RBBP8NL: variants seen among roughly 807,000 people sequenced by gnomAD.
The protein encoded by RBBP8NL is RBBP8 N-terminal like, also known as RBBP8 N-terminal-like protein.
In RBBP8NL, 59 loss-of-function variants were observed where a neutral mutation model predicts 62.2. That is an observed-to-expected ratio of 0.95 (90% CI 0.77 to 1.18). RBBP8NL has a LOEUF of 1.18. RBBP8NL is among the 50% of genes most tolerant of loss of function. RBBP8NL has a pLI of 0.00. For missense variants in RBBP8NL, 896 were observed against 899.5 expected (o/e 1.00, Z 0.05); for synonymous variants, 412 against 394.1 (o/e 1.05, Z -0.54).
At chr20:62,425,128 C>T (rs1256714131) in intron 1 of RBBP8NL, among the ~76,000 whole-genome samples, 1 of 152,202 alleles carries the variant, frequency 6.6e-6, no homozygotes. Context: ...TTAGAAGCTC[C>T]TCACAGGTAA....
In RBBP8NL at chr20:62,415,204, G is replaced by T. The variant is rs36042460; in HGVS notation, c.711C>A (p.Gly237=). ...GTGGTGGGGGCGTCCCATTGGCGGGGCCTCGGTCGGCAGGGCAAGCCTGGG... is the reference window on the plus strand; with the variant it reads ...GTGGTGGGGGCGTCCCATTGGCGGGTCCTCGGTCGGCAGGGCAAGCCTGGG... The part of the protein sequence containing the change: ...PGSQACPADR[G]PANGTPPPLP... Residue 237 remains glycine (G), a synonymous_variant, in exon 9 of 14, where the codon GGC becomes GGA. Transcript: ENST00000252998. The T allele has an allele frequency of 8.3e-3, 12,537 of 1,519,348 alleles. 628 individuals carry two copies. The African/African-American group carries it at 0.12, about 15-fold the overall frequency. The allele number at this position is 1,519,348 out of a possible 1,614,324, so 94.1% of individuals were successfully genotyped here.
intron 1 of RBBP8NL, among the ~76,000 whole-genome samples, chr20:62,424,340 C>T (rs1988764657): frequency 6.6e-6 from 1 of 152,082 alleles, no homozygotes; most frequent in Non-Finnish European, 1.5e-5. Context: ...CCCTCGACAC[C>T]ACTCTCACCC....
intron 9 of RBBP8NL, 24 bp from the exon 10 acceptor site, chr20:62,414,580 G>T: frequency 1.4e-6 from 2 of 1,416,742 alleles, no homozygotes; most frequent in South Asian, 1.7e-5. Context: ...GAAGCCGAAT[G>T]ACCATGGCTG....
intron 1 of RBBP8NL, 41 bp from the exon 2 acceptor site, chr20:62,419,771 G>T (rs2146443098): frequency 9.9e-7 from 1 of 1,012,406 alleles, no homozygotes; most frequent in Non-Finnish European, 1.5e-6. Context: ...GCTCAGGAAG[G>T]GCTTGTGGGC....
chr20:62,426,876 G>A (rs547294016), intron 1 of RBBP8NL, among the ~76,000 whole-genome samples: 10 of 152,370 alleles, frequency 6.6e-5, no homozygotes, highest in Non-Finnish European at 1.3e-4. Context: ...CCTGCAACCT[G>A]ACTCCCTCCC....
At chr20:62,423,396 T>A (rs1988746447) in intron 1 of RBBP8NL, among the ~76,000 whole-genome samples, 1 of 152,124 alleles carries the variant, frequency 6.6e-6, no homozygotes, top group Non-Finnish European at 1.5e-5. Flanking sequence ...TGCACTGGCT[T>A]TTCCTGGCCA....
At chr20:62,420,532 T>A (rs2427327) in intron 1 of RBBP8NL, among the ~76,000 whole-genome samples, 90,017 of 151,264 alleles carry the variant, frequency 0.6, 26,717 homozygotes, top group South Asian at 0.67. Flanking sequence ...ACACCCAGAG[T>A]TACACACATA....
intron 8 of RBBP8NL, 88 bp downstream of exon 8, chr20:62,415,490 G>T: frequency 6.8e-7 from 1 of 1,468,668 alleles, no homozygotes; most frequent in South Asian, 1.1e-5. Context: ...GCGCATGAGA[G>T]GCTGGCATAC....
At chr20:62,415,318 G>T (rs1234569650) in intron 8 of RBBP8NL, 31 bp from the exon 9 acceptor site, 7 of 1,546,084 alleles carry the variant, frequency 4.5e-6, no homozygotes, top group Middle Eastern at 2.1e-4. Context: ...GCCTGGGCGG[G>T]GGCATGCGTG....
At chr20:62,416,281 A>T in intron 5 of RBBP8NL, 45 bp from the exon 6 acceptor site, 5 of 380,320 alleles carry the variant, frequency 1.3e-5, no homozygotes, top group Non-Finnish European at 2.7e-5. Context: ...GTTGGGGGGG[A>T]CAGGGGCAGG....
intron 1 of RBBP8NL, 147 bp from the exon 2 acceptor site, chr20:62,419,877 C>T (rs930033068): frequency 1.8e-6 from 1 of 553,600 alleles, no homozygotes; most frequent in Non-Finnish European, 3.2e-6. Context: ...GGCCTGGAGG[C>T]TCCCGAACCC....
Position 62,410,518 on chromosome 20 carries a change from C to T in RBBP8NL, c.*360G>A, listed in dbSNP as rs1988409490. The T allele has an allele frequency of 7.5e-6, 2 of 266,746 alleles. No homozygotes were observed. The highest frequency in any genetic ancestry group is 5.0e-5 in the Admixed American group (1 of 20,024). 16.5% of individuals were successfully genotyped at this position (266,746 alleles called of 1,614,324 possible). A position where few individuals can be genotyped will look rare whatever the true frequency, so the allele number is the denominator to read the frequency against. ...TCCCGCCTCCAGTCCCCACACCCCT[C>T]AGGGAGCAGGTGCTGGGCTGTGGGA... On this transcript the variant is annotated 3_prime_UTR_variant, in exon 14 of 14. Coordinates refer to ENST00000252998, the MANE Select transcript of RBBP8NL (RefSeq NM_080833.3).
Position 62,416,876 on chromosome 20 carries a change from C to T in RBBP8NL, c.201-4G>A. Reference sequence around the variant, plus strand: ...GTCGCACAGGCCGGCCCGCAGCCTGCAGGGATGGGGACGCAGGGGGTGTGA... The same window carrying T: ...GTCGCACAGGCCGGCCCGCAGCCTGTAGGGATGGGGACGCAGGGGGTGTGA... On this transcript the variant is annotated splice_region_variant and splice_polypyrimidine_tract_variant and intron_variant, in intron 4 of 13. Coordinates refer to ENST00000252998, the MANE Select transcript of RBBP8NL (RefSeq NM_080833.3). 2 of 1,550,884 alleles carry T rather than the reference C, an allele frequency of 1.3e-6. No individual in the cohort carries two copies. The highest frequency in any genetic ancestry group is 1.7e-6 in the Non-Finnish European group (2 of 1,148,280).
Position 62,418,414 on chromosome 20 carries a change from C to T in RBBP8NL, c.104+9G>A, listed in dbSNP as rs1275704574. On this transcript the variant is annotated intron_variant, in intron 3 of 13. Coordinates refer to ENST00000252998, the MANE Select transcript of RBBP8NL (RefSeq NM_080833.3). ...CCTGTGAGGAGGGGCCCTGCTTGGC[C>T]TGACTCACCGGCACCTCTCTGAGTT... 1 of 1,550,358 alleles carries T rather than the reference C, an allele frequency of 6.5e-7. No homozygotes were observed. Among genetic ancestry groups the T allele is most frequent in the Non-Finnish European group, 8.7e-7 (1 of 1,146,902 alleles).
rs1420118022 is a variant in RBBP8NL at position 62,413,951 on chromosome 20, G to A, written c.1400C>T (p.Pro467Leu). 3 of 1,583,348 alleles carry A rather than the reference G, an allele frequency of 1.9e-6. No individual in the cohort carries two copies. Among genetic ancestry groups the A allele is most frequent in the Non-Finnish European group, 2.6e-6 (3 of 1,166,012 alleles). The change falls in exon 10 of 14, where the codon CCT becomes CTT. Residue 467 changes from proline to leucine, a missense_variant. Physicochemically the swap from Pro to Leu is moderately conservative, Grantham distance 98. Transcript: ENST00000252998. ...GGGGCTGGCAGTGTGGGCAGCGGCA[G>A]GGCTGAGTGACCCATGCTGGCCGGC... ...KPAGQHGSLSPAAAHTASPEP... is the reference protein window; with the variant it reads ...KPAGQHGSLSLAAAHTASPEP...
At chr20:62,416,553 G>A (rs1988571081) in intron 5 of RBBP8NL, among the ~76,000 whole-genome samples, 1 of 152,238 alleles carries the variant, frequency 6.6e-6, no homozygotes, top group Admixed American at 6.5e-5. Flanking sequence ...CCCAGCCCAG[G>A]GGAGGGAGGC....
intron 5 of RBBP8NL, 78 bp downstream of exon 5, chr20:62,416,682 C>G (rs1192357343): frequency 1.0e-5 from 10 of 961,500 alleles, no homozygotes; most frequent in Admixed American, 4.2e-5. Flanking sequence ...TTCCCCATGC[C>G]CCTACATGGG....
chr20:62,412,038 T>C (rs901712202), intron 13 of RBBP8NL, among the ~76,000 whole-genome samples: 10 of 152,252 alleles, frequency 6.6e-5, no homozygotes, highest in Non-Finnish European at 1.2e-4. Flanking sequence ...AGTGAAAAGT[T>C]GTCCCGATAC....
intron 1 of RBBP8NL, among the ~76,000 whole-genome samples, chr20:62,423,483 G>A (rs944894877): frequency 4.6e-5 from 7 of 152,194 alleles, no homozygotes; most frequent in African/African-American, 9.6e-5. Flanking sequence ...AGGAGGGGGC[G>A]GAGCTGCAGC....
Sources: allele counts gnomAD v4.1 joint callset (sites outside exome capture counted in the v4.1 genomes callset), GRCh38; gene constraint gnomAD v4.1.1; transcripts MANE v1.5; gene names NCBI Gene and HGNC (gene_info 2026-07-23, HGNC 2026-07-21).